The following WDR73 variants were observed in gnomAD, a reference collection of about 807,000 sequenced individuals.
The protein encoded by WDR73 is integrator complex assembly factor WDR73.
A neutral mutation model predicts 38.2 loss-of-function variants in WDR73; 30 were observed. The ratio of observed to expected loss-of-function variants is 0.79; its 90% CI spans 0.59 to 1.06. The LOEUF (loss-of-function observed/expected upper bound fraction) is 1.06. WDR73 is among the 50% of genes least tolerant of loss of function. The pLI is 0.00. For synonymous variants in WDR73, 197 were observed against 176.0 expected (o/e 1.12, Z -0.94); for missense variants, 487 against 467.0 (o/e 1.04, Z -0.40).
Position 84,643,635 on chromosome 15 carries a change from G to C in WDR73, c.972C>G (p.Leu324=), listed in dbSNP as rs531366283. The change falls in exon 8 of 8, where the codon CTC becomes CTG. Residue 324 remains leucine (L), a synonymous_variant. Coordinates refer to ENST00000434634, the MANE Select transcript of WDR73 (RefSeq NM_032856.5). ...QDGTRSQVEP[L]FTHRGHIFLD... ...GGAAGATGTGACCTCTGTGAGTGAA[G>C]AGAGGTTCTACTTGGCTCCGTGTTC... 27 of 1,612,680 alleles carry C rather than the reference G, an allele frequency of 1.7e-5. No homozygotes were observed. The South Asian group carries it at 2.9e-4, about 17-fold the overall frequency.
intron 5 of WDR73, 128 bp from the exon 6 acceptor site, chr15:84,646,476 A>G: frequency 5.6e-6 from 8 of 1,419,384 alleles, no homozygotes; most frequent in Non-Finnish European, 7.5e-6. Flanking sequence ...CTGGCAAGAG[A>G]TGATGTTGAG....
intron 7 of WDR73, chr15:84,645,266 G>C: frequency 6.8e-7 from 1 of 1,473,498 alleles, no homozygotes; most frequent in Non-Finnish European, 9.0e-7. Flanking sequence ...GGCTAGGAAA[G>C]GCCTGCTGCC....
intron 3 of WDR73, among the ~76,000 whole-genome samples, chr15:84,649,324 G>C (rs1896553948): frequency 6.6e-6 from 1 of 152,180 alleles, no homozygotes. Context: ...GAGCGGGGAG[G>C]TTAAATCAGT....
chr15:84,648,774 A>G, intron 3 of WDR73, 149 bp from the exon 4 acceptor site: 1 of 656,414 alleles, frequency 1.5e-6, no homozygotes. Context: ...GTATTTGGCA[A>G]TGTTGGTCTC....
At chr15:84,653,888 T>G (rs1896704687) in intron 1 of WDR73, 189 bp from the exon 2 acceptor site, 1 of 622,048 alleles carries the variant, frequency 1.6e-6, no homozygotes, top group Non-Finnish European at 2.9e-6. Context: ...GCCTCGGTCC[T>G]CATGTGTGGA....
At position 84,639,689 on chromosome 15, in the gene WDR73, T is replaced by G. The variant is rs978243880; in HGVS notation, c.*3781A>C. 6.6e-6 allele frequency: 1 copy of G among 152,098 alleles called. No homozygotes were observed. Among genetic ancestry groups the G allele is most frequent in the Non-Finnish European group, 1.5e-5 (1 of 68,146 alleles). The allele number at this position is 152,098 out of a possible 1,614,324, so 9.4% of individuals were successfully genotyped here. On this transcript the variant is annotated 3_prime_UTR_variant, in exon 8 of 8. Transcript: ENST00000434634. ...AGCCAAGACCTGGAGCGAGCTGGAG[T>G]GGCAGGCCCTGGAGGATGAGAAGGT...
rs1754314658 is a variant in WDR73 at position 84,647,960 on chromosome 15, C to T, written c.288-6G>A. ...GGCCACTGGTAACCAGCAATCTATT[C>T]AGAAAAGACAAAATCAGTCCAGACC... On this transcript the variant is annotated splice_region_variant and splice_polypyrimidine_tract_variant and intron_variant, in intron 4 of 7. Transcript: ENST00000434634. 6.2e-7 allele frequency: 1 copy of T among 1,613,956 alleles called. No individual in the cohort carries two copies. Among genetic ancestry groups the T allele is most frequent in the Non-Finnish European group, 8.5e-7 (1 of 1,179,836 alleles).
chr15:84,648,082 A>C, intron 4 of WDR73, 128 bp from the exon 5 acceptor site: 1 of 796,896 alleles, frequency 1.3e-6, no homozygotes, highest in Admixed American at 2.0e-5. Context: ...AAGATCATCA[A>C]GGCCAACCAC....
At chr15:84,645,888 CA>C in intron 6 of WDR73, 52 bp from the exon 7 acceptor site, 1 of 1,610,268 alleles carries the variant, frequency 6.2e-7, no homozygotes, top group Non-Finnish European at 8.5e-7. Flanking sequence ...ATGGGTCTGG[CA>C]ATTTGGCAGG....
At chr15:84,649,173 G>GTA (rs1365037907) in intron 3 of WDR73, among the ~76,000 whole-genome samples, 1 of 152,208 alleles carries the variant, frequency 6.6e-6, no homozygotes, top group African/African-American at 2.4e-5. Context: ...GGTCATACAA[G>GTA]TATTAAGTTG....
In WDR73 at chr15:84,647,909, C is replaced by T; in HGVS notation, c.333G>A (p.Trp111Ter). The T allele has an allele frequency of 6.2e-7, 1 of 1,613,980 alleles. No homozygotes were observed. The highest frequency in any genetic ancestry group is 1.1e-5 in the South Asian group (1 of 91,076). The change falls in exon 5 of 8, where the codon TGG (tryptophan) becomes TGA (stop). Residue 111 changes from tryptophan (W) to a stop codon, truncating the protein, a stop_gained. Transcript: ENST00000434634. LOFTEE classifies it high-confidence loss of function. ...SGLPGCYLQVWQVAEDSDVIK... is the reference protein window; with the variant it reads ...SGLPGCYLQV ...ACTCACCACTGTCCTCTGCAACCTG[C>T]CACACCTGCAGATAACAACCTGGAA...
chr15:84,643,791 A>G lies in WDR73; in HGVS notation c.884-68T>C, dbSNP rs1355779656. The G allele has an allele frequency of 6.2e-6, 9 of 1,459,202 alleles. No homozygotes were observed. In the Admixed American group the frequency reaches 7.9e-5, roughly 13 times the overall value. 90.4% of individuals were successfully genotyped at this position (1,459,202 alleles called of 1,614,324 possible). On this transcript the variant is annotated intron_variant, in intron 7 of 7. Coordinates refer to ENST00000434634, the MANE Select transcript of WDR73 (RefSeq NM_032856.5). ...TTTATTTTAAAATAATTTTCTTTCT[A>G]TTTTTAATAGAGATGGGGTTTCACC...
intron 2 of WDR73, 128 bp downstream of exon 2, chr15:84,653,504 G>C (rs1947058556): frequency 3.0e-6 from 2 of 663,294 alleles, no homozygotes; most frequent in Non-Finnish European, 5.5e-6. Context: ...AGTGCTGATG[G>C]GGCATCAAAT....
chr15:84,649,115 C>A (rs187457604), intron 3 of WDR73, among the ~76,000 whole-genome samples: 1 of 152,316 alleles, frequency 6.6e-6, no homozygotes, highest in East Asian at 1.9e-4. Context: ...TATCCCTATT[C>A]TACAAATGAC....
In WDR73 at chr15:84,654,224, T is replaced by C. The variant is rs1429226240; in HGVS notation, c.41+10A>G. The C allele has an allele frequency of 1.9e-6, 3 of 1,613,770 alleles. No homozygotes were observed. Among genetic ancestry groups the C allele is most frequent in the Non-Finnish European group, 2.5e-6 (3 of 1,179,812 alleles). On this transcript the variant is annotated intron_variant, in intron 1 of 7. Coordinates refer to ENST00000434634, the MANE Select transcript of WDR73 (RefSeq NM_032856.5). ...GCCCAGCTCCCATGTCCCAGCCCCGTACGATTTACAAGCGCAAGGATTCCA... is the reference window on the plus strand; with the variant it reads ...GCCCAGCTCCCATGTCCCAGCCCCGCACGATTTACAAGCGCAAGGATTCCA...
At position 84,643,453 on chromosome 15, in the gene WDR73, A is replaced by G. The variant is rs544367537; in HGVS notation, c.*17T>C. On this transcript the variant is annotated 3_prime_UTR_variant, in exon 8 of 8. Transcript: ENST00000434634. Reference sequence around the variant, plus strand: ...GCTCCTCCCCTTTCTAGAGGCCTAGATGGAAAGATGCTGGTGTCAGCGGGG... The same window carrying G: ...GCTCCTCCCCTTTCTAGAGGCCTAGGTGGAAAGATGCTGGTGTCAGCGGGG... The G allele has an allele frequency of 3.2e-6, 5 of 1,550,608 alleles. No individual in the cohort carries two copies. In the African/African-American group the frequency reaches 5.5e-5, roughly 17 times the overall value.
In WDR73 at chr15:84,643,302, A is replaced by T; in HGVS notation, c.*168T>A. On this transcript the variant is annotated 3_prime_UTR_variant, in exon 8 of 8. Transcript: ENST00000434634. ...ATATCACTACGAGGTAGTTCTTACT[A>T]TCCTCATTTTACAGATAAGGAAACT... is the stretch of plus-strand genomic sequence containing the variant. 4.0e-6 allele frequency: 3 copies of T among 750,576 alleles called. No individual in the cohort carries two copies. Among genetic ancestry groups the T allele is most frequent in the South Asian group, 1.9e-5 (1 of 53,402 alleles). 46.5% of individuals were successfully genotyped at this position (750,576 alleles called of 1,614,324 possible). A position where few individuals can be genotyped will look rare whatever the true frequency, so the allele number is the denominator to read the frequency against.
rs1049337908 is a variant in WDR73 at position 84,653,923 on chromosome 15, A to C, written c.42-224T>G. The C allele has an allele frequency of 1.5e-5, 9 of 603,556 alleles. No individual in the cohort carries two copies. In the South Asian group the frequency reaches 1.8e-4, roughly 12 times the overall value. 37.4% of individuals were successfully genotyped at this position (603,556 alleles called of 1,614,324 possible). A position where few individuals can be genotyped will look rare whatever the true frequency, so the allele number is the denominator to read the frequency against. The stretch of plus-strand genomic sequence containing the variant: ...ACGTCCCAGGGTACCCAGATTTCCC[A>C]AGGTTGACGTGAGGAATCAATGAGA... On this transcript the variant is annotated intron_variant, in intron 1 of 7. Transcript: ENST00000434634.
intron 1 of WDR73, chr15:84,653,958 T>C (rs1896707343): frequency 5.0e-6 from 3 of 604,842 alleles, no homozygotes; most frequent in African/African-American, 3.7e-5. Context: ...ATCATCTGTG[T>C]TCTGAGCTGA....
Sources: allele counts gnomAD v4.1 joint callset (sites outside exome capture counted in the v4.1 genomes callset), GRCh38; gene constraint gnomAD v4.1.1; transcripts MANE v1.5; gene names NCBI Gene and HGNC (gene_info 2026-07-23, HGNC 2026-07-21).